The following CREB5 variants were observed in gnomAD, a reference collection of about 807,000 sequenced individuals.
CREB5 encodes the protein cyclic AMP-responsive element-binding protein 5.
CREB5 carries 19 observed loss-of-function variants against 57.1 expected under a neutral mutation model. The observed-to-expected ratio is 0.33, with a 90% CI of 0.23 to 0.49. The LOEUF (loss-of-function observed/expected upper bound fraction) is 0.49, where lower values mean the gene tolerates loss of function less well. CREB5 is among the 20% of genes least tolerant of loss of function. The pLI, the probability that CREB5 is intolerant of heterozygous loss-of-function variation, is 0.99. For synonymous variants in CREB5, 238 were observed against 238.3 expected (o/e 1.00, Z 0.01); for missense variants, 579 against 671.6 (o/e 0.86, Z 1.52).
chr7:28,471,313 C>G (rs899020793), intron 1 of CREB5, among the ~76,000 whole-genome samples: 1 of 152,050 alleles, frequency 6.6e-6, no homozygotes, highest in Non-Finnish European at 1.5e-5. Context: ...TTCCCAGCAC[C>G]CTTTATTGAA....
Position 28,443,794 on chromosome 7 carries a change from C to T in CREB5, c.3+30877C>T, listed in dbSNP as rs114531881. Among the ~76,000 whole-genome samples, 685 of 152,240 alleles carry T rather than the reference C, an allele frequency of 4.5e-3. 4 individuals carry two copies. The highest frequency in any genetic ancestry group is 0.015 in the African/African-American group (627 of 41,526). ...ATTATATAAAATGATAATTCACTTACGATGATGATGACTCTTTGGGACACA... is the reference window on the plus strand; with the variant it reads ...ATTATATAAAATGATAATTCACTTATGATGATGATGACTCTTTGGGACACA... On this transcript the variant is annotated intron_variant, in intron 1 of 10. Coordinates refer to ENST00000357727, the MANE Select transcript of CREB5 (RefSeq NM_182898.4).
chr7:28,597,541 A>C (rs1796731879), intron 5 of CREB5, among the ~76,000 whole-genome samples: 1 of 152,212 alleles, frequency 6.6e-6, no homozygotes, highest in Non-Finnish European at 1.5e-5. Flanking sequence ...TCTGGTTTAG[A>C]TGCAAGTCAT....
chr7:28,673,662 T>C (rs1248476155), intron 5 of CREB5, among the ~76,000 whole-genome samples: 6 of 119,056 alleles, frequency 5.0e-5, no homozygotes, highest in African/African-American at 1.4e-4. Flanking sequence ...TCTCTCTTTT[T>C]TTTTTTTTTT....
intron 5 of CREB5, among the ~76,000 whole-genome samples, chr7:28,605,431 C>T (rs1797092226): frequency 6.6e-6 from 1 of 152,192 alleles, no homozygotes; most frequent in Non-Finnish European, 1.5e-5. Context: ...TTGTCAAAGA[C>T]ATGACACTTC....
At chr7:28,673,645 TTC>T (rs1242985320) in intron 5 of CREB5, among the ~76,000 whole-genome samples, 75 of 146,338 alleles carry the variant, frequency 5.1e-4, no homozygotes, top group African/African-American at 1.4e-3. Context: ...GACATGAAGT[TTC>T]TCTCTCTCTC....
intron 1 of CREB5, among the ~76,000 whole-genome samples, chr7:28,418,078 GT>G (rs1359140920): frequency 6.6e-6 from 1 of 152,146 alleles, no homozygotes; most frequent in Admixed American, 6.5e-5. Context: ...GCCTTTAGTT[GT>G]TTGGGGAGGG....
At chr7:28,493,559 C>A (rs1040146842) in intron 2 of CREB5, among the ~76,000 whole-genome samples, 2 of 152,108 alleles carry the variant, frequency 1.3e-5, no homozygotes, top group African/African-American at 4.8e-5. Flanking sequence ...TCCAATATTG[C>A]TAGTTGCCAT....
At chr7:28,605,231 G>A (rs974480326) in intron 5 of CREB5, among the ~76,000 whole-genome samples, 4 of 152,196 alleles carry the variant, frequency 2.6e-5, no homozygotes, top group South Asian at 2.1e-4. Context: ...TTTGGTGGAC[G>A]TGGTGGTAGG....
intron 5 of CREB5, among the ~76,000 whole-genome samples, chr7:28,585,116 C>T (rs1796261310): frequency 6.6e-6 from 1 of 152,178 alleles, no homozygotes; most frequent in Non-Finnish European, 1.5e-5. Flanking sequence ...TTTTCTTTAG[C>T]CTCGAATGTT....
intron 5 of CREB5, among the ~76,000 whole-genome samples, chr7:28,712,539 A>ATTG: frequency 6.7e-6 from 1 of 148,616 alleles, no homozygotes; most frequent in East Asian, 2.0e-4. Context: ...TATTATTATT[A>ATTG]TTATTATTTT....
intron 7 of CREB5, among the ~76,000 whole-genome samples, chr7:28,770,696 C>T (rs930720358): frequency 1.4e-4 from 21 of 152,176 alleles, no homozygotes; most frequent in African/African-American, 3.4e-4. Flanking sequence ...TTTTTAGTTG[C>T]GACATTAGCA....
chr7:28,382,572 G>A (rs1284728312), intron 1 of CREB5, among the ~76,000 whole-genome samples: 1 of 152,074 alleles, frequency 6.6e-6, no homozygotes, highest in African/African-American at 2.4e-5. Flanking sequence ...TCTGGAAAAT[G>A]TTCACTTCTC....
chr7:28,805,402 T>TC (rs1808656427), intron 8 of CREB5, among the ~76,000 whole-genome samples: 1 of 152,020 alleles, frequency 6.6e-6, no homozygotes, highest in Admixed American at 6.6e-5. Context: ...AGAATGACTT[T>TC]CATCCATACC....
intron 6 of CREB5, among the ~76,000 whole-genome samples, chr7:28,722,294 C>A (rs1803076599): frequency 6.6e-6 from 1 of 152,116 alleles, no homozygotes; most frequent in Non-Finnish European, 1.5e-5. Context: ...ATTATCTGTA[C>A]TTCTGAAAGA....
At chr7:28,457,191 C>T (rs1464503782) in intron 1 of CREB5, among the ~76,000 whole-genome samples, 1 of 152,204 alleles carries the variant, frequency 6.6e-6, no homozygotes, top group East Asian at 1.9e-4. Flanking sequence ...ATGAAGCCCT[C>T]ATGACCTAAT....
intron 7 of CREB5, among the ~76,000 whole-genome samples, chr7:28,782,361 G>T (rs1286091489): frequency 7.1e-6 from 1 of 140,044 alleles, no homozygotes; most frequent in Non-Finnish European, 1.7e-5. Context: ...TTGATACATT[G>T]TCAGCAGCAG....
intron 5 of CREB5, among the ~76,000 whole-genome samples, chr7:28,692,922 C>A (rs193063235): frequency 4.7e-4 from 72 of 152,330 alleles, no homozygotes; most frequent in African/African-American, 1.7e-3. Flanking sequence ...AACACTTTAA[C>A]ACAAGTCCAT....
intron 1 of CREB5, among the ~76,000 whole-genome samples, chr7:28,391,938 A>G (rs1787223954): frequency 6.6e-6 from 1 of 151,930 alleles, no homozygotes; most frequent in South Asian, 2.1e-4. Context: ...AGGAATGCCA[A>G]AGGGAATTTT....
intron 4 of CREB5, among the ~76,000 whole-genome samples, chr7:28,544,767 A>G (rs1315846291): frequency 6.6e-6 from 1 of 152,160 alleles, no homozygotes; most frequent in Non-Finnish European, 1.5e-5. Context: ...CCTATGGCAG[A>G]GCATCACCAG....
Sources: allele counts gnomAD v4.1 joint callset (sites outside exome capture counted in the v4.1 genomes callset), GRCh38; gene constraint gnomAD v4.1.1; transcripts MANE v1.5; gene names NCBI Gene and HGNC (gene_info 2026-07-23, HGNC 2026-07-21).